The following TMTC2 variants were observed in gnomAD, a reference collection of about 807,000 sequenced individuals.
TMTC2 encodes protein O-mannosyl-transferase TMTC2.
A neutral mutation model predicts 82.4 loss-of-function variants in TMTC2; 43 were observed. The observed-to-expected ratio is 0.52, with a 90% confidence interval of 0.41 to 0.67. The LOEUF is 0.67. Among genes scored for constraint, TMTC2 ranks in the 30% least tolerant of loss-of-function variants. TMTC2 has a pLI of 0.00. For synonymous variants in TMTC2, 408 were observed against 381.9 expected (o/e 1.07, Z -0.80); for missense variants, 919 against 1,012.4 (o/e 0.91, Z 1.25).
At chr12:82,832,342 A>G (rs1413850519) in intron 1 of TMTC2, among the ~76,000 whole-genome samples, 1 of 141,590 alleles carries the variant, frequency 7.1e-6, no homozygotes, top group Non-Finnish European at 1.5e-5. Context: ...TTTATGTACA[A>G]GTTTTTTTTT....
At chr12:82,951,768 A>G (rs937041165) in intron 4 of TMTC2, among the ~76,000 whole-genome samples, 1 of 152,192 alleles carries the variant, frequency 6.6e-6, no homozygotes, top group African/African-American at 2.4e-5. Context: ...CATTTTTCTA[A>G]TAACTCGAAA....
At chr12:82,833,537 C>G (rs77109452) in intron 1 of TMTC2, among the ~76,000 whole-genome samples, 1 of 152,130 alleles carries the variant, frequency 6.6e-6, no homozygotes, top group Non-Finnish European at 1.5e-5. Context: ...TCTCAAAATG[C>G]TTTATTCATT....
chr12:82,774,397 G>T (rs1227885216), intron 1 of TMTC2, among the ~76,000 whole-genome samples: 1 of 152,040 alleles, frequency 6.6e-6, no homozygotes, highest in Non-Finnish European at 1.5e-5. Flanking sequence ...GAGGAGGGTG[G>T]ATTACCTGAG....
At chr12:82,817,036 C>T (rs899271659) in intron 1 of TMTC2, among the ~76,000 whole-genome samples, 27 of 149,376 alleles carry the variant, frequency 1.8e-4, no homozygotes, top group African/African-American at 5.7e-4. Context: ...GGCAGGATCT[C>T]GGCTCACTGT....
At chr12:82,888,462 G>GT (rs1565793920) in intron 2 of TMTC2, among the ~76,000 whole-genome samples, 1 of 152,094 alleles carries the variant, frequency 6.6e-6, no homozygotes, top group African/African-American at 2.4e-5. Flanking sequence ...TTTTGACTTT[G>GT]TTTTTTTAAG....
At chr12:82,990,866 A>G (rs978168447) in intron 8 of TMTC2, among the ~76,000 whole-genome samples, 1 of 151,984 alleles carries the variant, frequency 6.6e-6, no homozygotes, top group Non-Finnish European at 1.5e-5. Context: ...CAACACATAT[A>G]TTGAGACTTA....
At chr12:83,037,127 T>C (rs560844432) in intron 9 of TMTC2, among the ~76,000 whole-genome samples, 4 of 152,290 alleles carry the variant, frequency 2.6e-5, no homozygotes, top group Admixed American at 6.5e-5. Flanking sequence ...GCAAACCATA[T>C]CCAAACCGTA....
chr12:82,864,562 C>T (rs1283481923), intron 2 of TMTC2, among the ~76,000 whole-genome samples: 1 of 136,530 alleles, frequency 7.3e-6, no homozygotes, highest in Non-Finnish European at 1.5e-5. Context: ...AGTGCAGTGG[C>T]GCAATCTTGG....
At chr12:82,902,422 C>T (rs1410180813) in intron 3 of TMTC2, among the ~76,000 whole-genome samples, 1 of 152,204 alleles carries the variant, frequency 6.6e-6, no homozygotes. Context: ...ATTTGTCTTT[C>T]TCTAGATTTC....
At chr12:82,777,865 C>G (rs539062626) in intron 1 of TMTC2, among the ~76,000 whole-genome samples, 1 of 152,046 alleles carries the variant, frequency 6.6e-6, no homozygotes, top group Admixed American at 6.6e-5. Flanking sequence ...GTTTTCACCA[C>G]GATTTGCCAT....
chr12:82,910,926 G>A (rs1452144183), intron 3 of TMTC2, among the ~76,000 whole-genome samples: 1 of 151,494 alleles, frequency 6.6e-6, no homozygotes, highest in Non-Finnish European at 1.5e-5. Context: ...TGTCGCCCAG[G>A]CTGGAGTGCA....
At chr12:82,915,741 C>T (rs926860280) in intron 3 of TMTC2, among the ~76,000 whole-genome samples, 4 of 152,182 alleles carry the variant, frequency 2.6e-5, no homozygotes, top group Non-Finnish European at 5.9e-5. Context: ...TATACCTGAA[C>T]CAAACTCAAA....
intron 7 of TMTC2, among the ~76,000 whole-genome samples, chr12:82,970,009 C>T (rs1431553594): frequency 6.6e-6 from 1 of 152,102 alleles, no homozygotes; most frequent in Non-Finnish European, 1.5e-5. Context: ...TGTTAAATTG[C>T]TCCTAGCCAG....
intron 11 of TMTC2, among the ~76,000 whole-genome samples, chr12:83,094,245 TC>T (rs1883946673): frequency 6.6e-6 from 1 of 152,184 alleles, no homozygotes; most frequent in Non-Finnish European, 1.5e-5. Flanking sequence ...AGAGAAGATG[TC>T]CTAGGAGAGG....
chr12:82,834,718 G>A (rs1394300002), intron 1 of TMTC2, among the ~76,000 whole-genome samples: 1 of 152,044 alleles, frequency 6.6e-6, no homozygotes, highest in Non-Finnish European at 1.5e-5. Flanking sequence ...TTATTTTAAG[G>A]TATCTTTCCC....
chr12:82,938,437 G>T (rs913064321), intron 4 of TMTC2, among the ~76,000 whole-genome samples: 1 of 152,184 alleles, frequency 6.6e-6, no homozygotes, highest in Admixed American at 6.5e-5. Flanking sequence ...AAGCTCCATA[G>T]TAGGGATATG....
chr12:82,761,055 T>A (rs1876599931), intron 1 of TMTC2: 1 of 154,726 alleles, frequency 6.5e-6, no homozygotes, highest in Non-Finnish European at 1.4e-5. Context: ...GTGGAAAAAT[T>A]GTCTCCCATG....
chr12:82,907,486 A>AG (rs1425516144), intron 3 of TMTC2, among the ~76,000 whole-genome samples: 1 of 151,782 alleles, frequency 6.6e-6, no homozygotes, highest in Non-Finnish European at 1.5e-5. Context: ...AAAAAAAAAA[A>AG]GAATGAATTG....
At chr12:82,920,206 A>G (rs1323336427) in intron 3 of TMTC2, among the ~76,000 whole-genome samples, 2 of 152,186 alleles carry the variant, frequency 1.3e-5, no homozygotes, top group Non-Finnish European at 2.9e-5. Flanking sequence ...ATAAGAAAAA[A>G]TCTTAAAAAA....
Sources: gnomAD v4.1 joint callset for allele counts (sites outside exome capture counted in the v4.1 genomes callset) on GRCh38, gnomAD v4.1.1 for gene constraint, MANE v1.5 for transcripts, NCBI Gene and HGNC (gene_info 2026-07-23, HGNC 2026-07-21) for gene names.